TRIM6: variants seen among roughly 807,000 people sequenced by gnomAD.
TRIM6 encodes tripartite motif-containing protein 6.
TRIM6 carries 43 observed loss-of-function variants against 51.2 expected under a neutral mutation model. That is an observed-to-expected ratio of 0.84 (90% CI 0.66 to 1.08). TRIM6 has a LOEUF of 1.08. TRIM6 is among the 50% of genes least tolerant of loss of function. The pLI is 0.00. For missense variants in TRIM6, 669 were observed against 619.0 expected (o/e 1.08, Z -0.86); for synonymous variants, 215 against 232.4 (o/e 0.93, Z 0.68).
At chr11:5,610,390 C>A in intron 6 of TRIM6, 145 bp downstream of exon 6, 2 of 1,565,256 alleles carry the variant, frequency 1.3e-6, no homozygotes, top group Non-Finnish European at 1.7e-6. Context: ...GAAGAAGATG[C>A]GGTTTGTATT....
intron 1 of TRIM6, among the ~76,000 whole-genome samples, chr11:5,599,335 G>A (rs1219843386): frequency 6.6e-6 from 1 of 152,098 alleles, no homozygotes; most frequent in Non-Finnish European, 1.5e-5. Context: ...TGGGGAGGAT[G>A]AATTGGAATT....
intron 2 of TRIM6, 138 bp from the exon 3 acceptor site, chr11:5,604,396 T>G (rs1281335599): frequency 4.7e-6 from 4 of 853,852 alleles, no homozygotes; most frequent in African/African-American, 1.7e-5. Context: ...AAAGATTTGT[T>G]GGCCCTCTCA....
chr11:5,598,928 T>C (rs1174282861), intron 1 of TRIM6, among the ~76,000 whole-genome samples: 1 of 152,182 alleles, frequency 6.6e-6, no homozygotes, highest in African/African-American at 2.4e-5. Context: ...CTTTATGTAT[T>C]CACCCTTCAA....
intron 4 of TRIM6, 64 bp from the exon 5 acceptor site, chr11:5,608,308 G>A: frequency 6.2e-7 from 1 of 1,604,688 alleles, no homozygotes; most frequent in Non-Finnish European, 8.5e-7. Context: ...GGACATGGAA[G>A]GAGAAATGTG....
At chr11:5,603,859 G>T (rs1416167601) in intron 2 of TRIM6, 124 bp downstream of exon 2, 2 of 1,446,872 alleles carry the variant, frequency 1.4e-6, no homozygotes, top group Admixed American at 5.6e-5. Flanking sequence ...CCTGGAAACT[G>T]CCTCCCTGAT....
Position 5,604,546 on chromosome 11 carries a change from G to A in TRIM6, c.520G>A (p.Glu174Lys). The A allele has an allele frequency of 6.2e-7, 1 of 1,611,902 alleles. No individual in the cohort carries two copies. Among genetic ancestry groups the A allele is most frequent in the Non-Finnish European group, 8.5e-7 (1 of 1,179,102 alleles). The change falls in exon 3 of 8, where the codon GAG (glutamate) becomes AAG (lysine). Residue 174 changes from glutamate (E) to lysine (K), a missense_variant. Coordinates refer to ENST00000380097, the MANE Select transcript of TRIM6 (RefSeq NM_001003818.3). ...VAQEYQEKFQESLKKLKNEEQ... is the reference protein window; with the variant it reads ...VAQEYQEKFQKSLKKLKNEEQ... Reference sequence around the variant, plus strand: ...TGTTTTCTTCAAGGAGAAGTTTCAGGAGTCTCTAAAGAAGCTGAAGAACGA... The same window carrying A: ...TGTTTTCTTCAAGGAGAAGTTTCAGAAGTCTCTAAAGAAGCTGAAGAACGA...
intron 3 of TRIM6, 76 bp downstream of exon 3, chr11:5,604,705 C>A: frequency 6.9e-7 from 1 of 1,455,798 alleles, no homozygotes; most frequent in Non-Finnish European, 9.3e-7. Context: ...CAAAGGAGTC[C>A]TTGTCCTGTC....
At position 5,610,789 on chromosome 11, in the gene TRIM6, T is replaced by C. The variant is rs748529831; in HGVS notation, c.998T>C (p.Leu333Pro). 1.2e-6 allele frequency: 2 copies of C among 1,614,090 alleles called. No homozygotes were observed. The highest frequency in any genetic ancestry group is 1.1e-5 in the South Asian group (1 of 91,072). Residue 333 changes from leucine to proline, a missense_variant, in exon 8 of 8, where the codon CTG (leucine) becomes CCG (proline). Coordinates refer to ENST00000380097, the MANE Select transcript of TRIM6 (RefSeq NM_001003818.3). ...DVQSYWVDVT[L>P]NPHTANLNLV... ...CCTTTTCCTACAGTTGACGTGACCC[T>C]GAATCCACACACAGCTAATTTAAAT... is the stretch of plus-strand genomic sequence containing the variant.
rs2133843411 is a variant in TRIM6, at chr11:5,605,414, A to G, written c.681A>G (p.Gln227=). The G allele has an allele frequency of 1.2e-6, 2 of 1,614,198 alleles. No individual in the cohort carries two copies. The highest frequency in any genetic ancestry group is 3.3e-4 in the Middle Eastern group (2 of 6,062). The change falls in exon 4 of 8, where the codon CAA becomes CAG. Residue 227 remains glutamine (Q), a synonymous_variant. Coordinates refer to ENST00000380097, the MANE Select transcript of TRIM6 (RefSeq NM_001003818.3). ...QLRNILDRVE[Q]RELKKLEQEE... ...GAAATATCCTAGACAGAGTGGAGCAACGGGAGCTGAAAAAGCTGGAACAGG... is the reference window on the plus strand; with the variant it reads ...GAAATATCCTAGACAGAGTGGAGCAGCGGGAGCTGAAAAAGCTGGAACAGG...
chr11:5,598,519 G>A lies in TRIM6; in HGVS notation c.17+1605G>A, dbSNP rs190396831. ...TCAAGTAGCCTCATTAAAAATAAGC[G>A]GGTGAAATTAATTTTAATACATTTC... On this transcript the variant is annotated intron_variant, in intron 1 of 7. Coordinates refer to ENST00000380097, the MANE Select transcript of TRIM6 (RefSeq NM_001003818.3). 2.3e-4 allele frequency among the ~76,000 whole-genome samples: 35 copies of A among 152,128 alleles called. No homozygotes were observed. In the South Asian group the frequency reaches 3.5e-3, roughly 15 times the overall value.
chr11:5,600,093 T>C (rs1847745121), intron 1 of TRIM6, among the ~76,000 whole-genome samples: 1 of 152,224 alleles, frequency 6.6e-6, no homozygotes, highest in Non-Finnish European at 1.5e-5. Flanking sequence ...CAATTAGTAC[T>C]ACCAGTTAGA....
intron 1 of TRIM6, among the ~76,000 whole-genome samples, chr11:5,599,761 C>G (rs1847722543): frequency 6.6e-6 from 1 of 152,190 alleles, no homozygotes; most frequent in Non-Finnish European, 1.5e-5. Flanking sequence ...TTTCTATACT[C>G]TAGTGCCAAC....
intron 2 of TRIM6, 133 bp from the exon 3 acceptor site, chr11:5,604,401 C>A: frequency 1.1e-6 from 1 of 931,920 alleles, no homozygotes; most frequent in Non-Finnish European, 1.5e-6. Flanking sequence ...TTTGTTGGCC[C>A]TCTCAAGTTT....
rs868348199 is a variant in TRIM6 at position 5,611,721 on chromosome 11, G to A, written c.*379G>A. 5 of 211,830 alleles carry A rather than the reference G, an allele frequency of 2.4e-5. No individual in the cohort carries two copies. Among genetic ancestry groups the A allele is most frequent in the Non-Finnish European group, 2.9e-5 (3 of 104,844 alleles). The allele number at this position is 211,830 out of a possible 1,614,324, so 13.1% of individuals were successfully genotyped here. A position where few individuals can be genotyped will look rare whatever the true frequency, so the allele number is the denominator to read the frequency against. On this transcript the variant is annotated 3_prime_UTR_variant, in exon 8 of 8. Transcript: ENST00000380097. ...ACCCGCCTCGGTCTCCCAAAGTGCT[G>A]GGATTACAGATGTGAGCCGCCGCGC...
At chr11:5,604,143 C>G (rs762653332) in intron 2 of TRIM6, among the ~76,000 whole-genome samples, 1 of 151,886 alleles carries the variant, frequency 6.6e-6, no homozygotes, top group Non-Finnish European at 1.5e-5. Flanking sequence ...TGTAGGTGTG[C>G]ACCACCATGC....
At chr11:5,602,131 T>A (rs765659650) in intron 1 of TRIM6, among the ~76,000 whole-genome samples, 8 of 152,152 alleles carry the variant, frequency 5.3e-5, no homozygotes, top group Non-Finnish European at 1.2e-4. Flanking sequence ...AGTAAAGATC[T>A]GTATTAAGTG....
chr11:5,610,471 G>A (rs1248117022), intron 6 of TRIM6, 64 bp from the exon 7 acceptor site: 1 of 1,612,920 alleles, frequency 6.2e-7, no homozygotes, highest in South Asian at 1.1e-5. Context: ...GTAGTAAGGA[G>A]AGAGATACCA....
At chr11:5,605,304 C>G in intron 3 of TRIM6, 33 bp from the exon 4 acceptor site, 1 of 1,613,222 alleles carries the variant, frequency 6.2e-7, no homozygotes, top group South Asian at 1.1e-5. Flanking sequence ...GTGTGACCGA[C>G]TAGCAGCCTC....
intron 1 of TRIM6, among the ~76,000 whole-genome samples, chr11:5,599,757 T>C (rs1160028357): frequency 6.6e-6 from 1 of 152,200 alleles, no homozygotes; most frequent in Non-Finnish European, 1.5e-5. Flanking sequence ...TTTATTTCTA[T>C]ACTCTAGTGC....
Sources: gnomAD v4.1 joint callset for allele counts (sites outside exome capture counted in the v4.1 genomes callset) on GRCh38, gnomAD v4.1.1 for gene constraint, MANE v1.5 for transcripts, NCBI Gene and HGNC (gene_info 2026-07-23, HGNC 2026-07-21) for gene names.